The following SFXN5 variants were observed in gnomAD, a reference collection of about 807,000 sequenced individuals.
The protein encoded by SFXN5 is sideroflexin-5.
In SFXN5, 43 loss-of-function variants were observed where a neutral mutation model predicts 50.2. The ratio of observed to expected loss-of-function variants is 0.86; its 90% CI spans 0.67 to 1.11. SFXN5 has a LOEUF of 1.11. SFXN5 is among the 50% of genes least tolerant of loss of function. SFXN5 has a pLI of 0.00. For missense variants in SFXN5, 463 were observed against 454.1 expected, an observed-to-expected ratio of 1.02 and a Z score of -0.18; for synonymous variants, 203 against 185.8, an observed-to-expected ratio of 1.09 and a Z score of -0.75.
intron 10 of SFXN5, among the ~76,000 whole-genome samples, chr2:72,979,667 G>A (rs1671059513): frequency 6.6e-6 from 1 of 152,134 alleles, no homozygotes; most frequent in South Asian, 2.1e-4. Flanking sequence ...TTTAAAAATA[G>A]CCATGGAACA....
rs772628086 is a variant in SFXN5, at chr2:73,058,605, G to A, written c.103-9C>T. ...CGGCCATAGAAGGACGTCTGAAGAAGAGGATGAGAGAGAAGAGTGAATGGA... is the reference window on the plus strand; with the variant it reads ...CGGCCATAGAAGGACGTCTGAAGAAAAGGATGAGAGAGAAGAGTGAATGGA... On this transcript the variant is annotated splice_polypyrimidine_tract_variant and intron_variant, in intron 1 of 13. Transcript: ENST00000272433. 6.2e-7 allele frequency: 1 copy of A among 1,613,584 alleles called. No homozygotes were observed.
intron 1 of SFXN5, among the ~76,000 whole-genome samples, chr2:73,064,808 A>G (rs539241358): frequency 6.6e-6 from 1 of 152,296 alleles, no homozygotes; most frequent in Admixed American, 6.5e-5. Context: ...TATTTTTGAG[A>G]CACAGTCTCA....
At chr2:73,017,706 G>A (rs1372039134) in intron 6 of SFXN5, among the ~76,000 whole-genome samples, 4 of 152,154 alleles carry the variant, frequency 2.6e-5, no homozygotes, top group Admixed American at 6.6e-5. Flanking sequence ...AATGAACATC[G>A]AGATGTTTGA....
chr2:72,946,123 C>A (rs1207087836), intron 13 of SFXN5, among the ~76,000 whole-genome samples: 1 of 151,660 alleles, frequency 6.6e-6, no homozygotes, highest in Non-Finnish European at 1.5e-5. Context: ...CCTGGCTCCA[C>A]CTCCCCTGCC....
intron 2 of SFXN5, among the ~76,000 whole-genome samples, chr2:73,051,976 T>C (rs939909667): frequency 5.3e-5 from 8 of 152,208 alleles, no homozygotes; most frequent in Admixed American, 5.2e-4. Context: ...CCATTATGTA[T>C]GGCGTGGACA....
At chr2:73,052,593 TAC>T (rs2105994403) in intron 2 of SFXN5, among the ~76,000 whole-genome samples, 1 of 152,350 alleles carries the variant, frequency 6.6e-6, no homozygotes, top group East Asian at 1.9e-4. Context: ...TTGTTATTAA[TAC>T]TATTTCAGTT....
At chr2:73,041,632 G>A (rs1433293145) in intron 2 of SFXN5, 3 of 435,662 alleles carry the variant, frequency 6.9e-6, no homozygotes, top group South Asian at 4.9e-5. Flanking sequence ...AGGGGTTGCA[G>A]TGAGCCTGGG....
chr2:72,942,150 G>T lies in SFXN5; in HGVS notation c.*2872C>A, dbSNP rs193217725. On this transcript the variant is annotated 3_prime_UTR_variant, in exon 14 of 14. Transcript: ENST00000272433. ...GCAAAGGCCCCTGGGAGTGGCTGAG[G>T]CTTGCGTGCGGGGGCCTCACTCTCA... The T allele has an allele frequency of 2.6e-5, 4 of 152,366 alleles. No individual in the cohort carries two copies. Among genetic ancestry groups the T allele is most frequent in the Non-Finnish European group, 5.9e-5 (4 of 68,042 alleles). 9.4% of individuals were successfully genotyped at this position (152,366 alleles called of 1,614,324 possible). A position where few individuals can be genotyped will look rare whatever the true frequency, so the allele number is the denominator to read the frequency against.
chr2:72,983,582 C>T (rs1488272053), intron 10 of SFXN5, among the ~76,000 whole-genome samples: 1 of 152,166 alleles, frequency 6.6e-6, no homozygotes, highest in Non-Finnish European at 1.5e-5. Flanking sequence ...TGAGTGGATG[C>T]AGCCAGGCAG....
intron 3 of SFXN5, among the ~76,000 whole-genome samples, chr2:73,028,783 G>C (rs1677920741): frequency 6.6e-6 from 1 of 152,176 alleles, no homozygotes; most frequent in South Asian, 2.1e-4. Flanking sequence ...TCTGAGGAAA[G>C]GAGACAATGC....
chr2:72,987,309 C>G (rs1672034724), intron 10 of SFXN5, among the ~76,000 whole-genome samples: 1 of 150,882 alleles, frequency 6.6e-6, no homozygotes, highest in Admixed American at 6.6e-5. Context: ...GGGGTTTCAC[C>G]ATGTTGGCAA....
At position 73,001,556 on chromosome 2, in the gene SFXN5, T is replaced by C. The variant is rs776180637; in HGVS notation, c.380A>G (p.Asn127Ser). 25 of 1,614,146 alleles carry C rather than the reference T, an allele frequency of 1.5e-5. No homozygotes were observed. The Middle Eastern group carries it at 4.9e-4, about 32-fold the overall frequency. The change falls in exon 7 of 14, where the codon AAC (asparagine) becomes AGC (serine). Residue 127 changes from asparagine (N) to serine (S), a missense_variant. Transcript: ENST00000272433. ...TPIVVGLLLP[N>S]QTLASTVFWQ... ...GAAGACAGTGGATGCCAGTGTCTGG[T>C]TGGGCAAGAGAAGACCGACTACCTA...
intron 6 of SFXN5, 23 bp from the exon 7 acceptor site, chr2:73,001,601 G>A: frequency 6.2e-7 from 1 of 1,612,922 alleles, no homozygotes; most frequent in Non-Finnish European, 8.5e-7. Context: ...GAGAAGAAAT[G>A]CTGAAAAAGG....
chr2:73,009,482 G>C (rs1213327697), intron 6 of SFXN5, among the ~76,000 whole-genome samples: 1 of 152,228 alleles, frequency 6.6e-6, no homozygotes. Context: ...CCTCTGGCTT[G>C]ACTGTTCTGA....
intron 13 of SFXN5, among the ~76,000 whole-genome samples, chr2:72,954,145 C>T (rs1573939328): frequency 6.6e-6 from 1 of 152,220 alleles, no homozygotes; most frequent in Admixed American, 6.5e-5. Flanking sequence ...CTGAGGACAT[C>T]GGGGGAAGGC....
At chr2:73,005,938 G>C (rs1332759030) in intron 6 of SFXN5, among the ~76,000 whole-genome samples, 2 of 151,972 alleles carry the variant, frequency 1.3e-5, no homozygotes, top group Non-Finnish European at 2.9e-5. Flanking sequence ...GTGGGAGATT[G>C]AGTCTTTGGT....
rs929183904 is a variant in SFXN5, at chr2:72,969,975, C to G, written c.742-1442G>C. ...TGGTAAGTTCCTTTAGCCCCACGAG[C>G]TTCAGCCCTCAGAGGAGGCTCCAGG... On this transcript the variant is annotated intron_variant, in intron 11 of 13. Coordinates refer to ENST00000272433, the MANE Select transcript of SFXN5 (RefSeq NM_144579.3). Among the ~76,000 whole-genome samples, 5 of 152,266 alleles carry G rather than the reference C, an allele frequency of 3.3e-5. No individual in the cohort carries two copies. The South Asian group carries it at 6.2e-4, about 19-fold the overall frequency.
At chr2:73,027,851 G>A (rs1170491035) in intron 3 of SFXN5, among the ~76,000 whole-genome samples, 1 of 151,782 alleles carries the variant, frequency 6.6e-6, no homozygotes, top group Non-Finnish European at 1.5e-5. Context: ...TTGTAGAAAC[G>A]TGGTCTCCCT....
intron 2 of SFXN5, among the ~76,000 whole-genome samples, chr2:73,057,871 C>A (rs1215486396): frequency 6.6e-6 from 1 of 152,192 alleles, no homozygotes; most frequent in East Asian, 1.9e-4. Flanking sequence ...AAGGTGCCTG[C>A]TTCCCCTTCC....
Sources: allele counts gnomAD v4.1 joint callset (sites outside exome capture counted in the v4.1 genomes callset), GRCh38; gene constraint gnomAD v4.1.1; transcripts MANE v1.5; gene names NCBI Gene and HGNC (gene_info 2026-07-23, HGNC 2026-07-21).